Variants in SLC15A4 observed in about 807,000 individuals in gnomAD.
SLC15A4 encodes the protein solute carrier family 15 member 4, also known as hPHT1.
A neutral mutation model predicts 46.1 loss-of-function variants in SLC15A4; 26 were observed. The ratio of observed to expected loss-of-function variants is 0.56; its 90% confidence interval spans 0.41 to 0.78. The LOEUF (loss-of-function observed/expected upper bound fraction) is 0.78. Ranked by LOEUF, SLC15A4 falls within the 30% of genes least tolerant of loss-of-function variation. The pLI, the probability that SLC15A4 is intolerant of heterozygous loss-of-function variation, is 0.00. For missense variants in SLC15A4, 751 were observed against 755.7 expected (o/e 0.99, Z 0.07); for synonymous variants, 370 against 333.4 (o/e 1.11, Z -1.20).
At chr12:128,804,797 C>A (rs1378256340) in intron 5 of SLC15A4, among the ~76,000 whole-genome samples, 2 of 152,168 alleles carry the variant, frequency 1.3e-5, no homozygotes, top group Non-Finnish European at 2.9e-5. Flanking sequence ...TCAAGCTAGG[C>A]AAATGCTTGG....
At chr12:128,800,562 C>A (rs533549127) in intron 6 of SLC15A4, among the ~76,000 whole-genome samples, 20 of 152,328 alleles carry the variant, frequency 1.3e-4, no homozygotes, top group Non-Finnish European at 2.9e-4. Context: ...CCGAGGGCTC[C>A]GCTGGGAACT....
intron 7 of SLC15A4, among the ~76,000 whole-genome samples, chr12:128,795,208 G>A (rs531984755): frequency 2.0e-5 from 3 of 152,142 alleles, no homozygotes; most frequent in East Asian, 1.9e-4. Context: ...CACCAGGGCC[G>A]ACAGCTGGGC....
intron 5 of SLC15A4, 173 bp from the exon 6 acceptor site, chr12:128,801,182 A>T (rs1955515124): frequency 3.4e-6 from 2 of 591,568 alleles, no homozygotes; most frequent in African/African-American, 1.9e-5. Context: ...TCAGCCTCCT[A>T]AGCAGGCTGA....
Position 128,823,694 on chromosome 12 carries a change from G to A in SLC15A4, c.250C>T (p.Leu84Phe). The change falls in exon 1 of 8, where the codon CTC (leucine) becomes TTC (phenylalanine). Residue 84 changes from leucine (L) to phenylalanine (F), a missense_variant. By Grantham distance (22) the Leu-to-Phe change is conservative. Coordinates refer to ENST00000266771, the MANE Select transcript of SLC15A4 (RefSeq NM_145648.4). ...ASEALLLFMG[L>F]TYLGSPFGGW... Reference sequence around the variant, plus strand: ...CCGAACGGCGAGCCCAGGTAGGTGAGGCCCATGAAGAGCAGCAGCGCCTCG... The same window carrying A: ...CCGAACGGCGAGCCCAGGTAGGTGAAGCCCATGAAGAGCAGCAGCGCCTCG... The A allele has an allele frequency of 1.3e-6, 2 of 1,521,820 alleles. No homozygotes were observed. The highest frequency in any genetic ancestry group is 1.2e-5 in the South Asian group (1 of 82,192). 94.3% of individuals were successfully genotyped at this position (1,521,820 alleles called of 1,614,324 possible). A position where few individuals can be genotyped will look rare whatever the true frequency, so the allele number is the denominator to read the frequency against.
At chr12:128,809,222 A>C (rs1955624360) in intron 4 of SLC15A4, 174 bp downstream of exon 4, 1 of 588,896 alleles carries the variant, frequency 1.7e-6, no homozygotes, top group Non-Finnish European at 2.9e-6. Context: ...TAATCTAGCA[A>C]ATGATACAAC....
At chr12:128,794,508 T>A in intron 7 of SLC15A4, 152 bp from the exon 8 acceptor site, 1 of 779,274 alleles carries the variant, frequency 1.3e-6, no homozygotes, top group South Asian at 2.2e-5. Flanking sequence ...TGCACAAGCA[T>A]CTTGCTTTCA....
chr12:128,804,686 C>T (rs1038360425), intron 5 of SLC15A4, among the ~76,000 whole-genome samples: 14 of 152,148 alleles, frequency 9.2e-5, no homozygotes, highest in African/African-American at 2.9e-4. Context: ...GCTGAGATCA[C>T]GCCACTGCAC....
At chr12:128,810,730 C>T (rs1460854480) in intron 2 of SLC15A4, among the ~76,000 whole-genome samples, 2 of 152,100 alleles carry the variant, frequency 1.3e-5, no homozygotes, top group Non-Finnish European at 2.9e-5. Context: ...GAGGATGTCC[C>T]TGGCTCTGTC....
chr12:128,807,908 C>T (rs1296016522), intron 5 of SLC15A4, among the ~76,000 whole-genome samples: 1 of 152,230 alleles, frequency 6.6e-6, no homozygotes, highest in South Asian at 2.1e-4. Flanking sequence ...TATATCAATA[C>T]ATTCAGTCTG....
Position 128,794,135 on chromosome 12 carries a change from A to T in SLC15A4, c.*61T>A, listed in dbSNP as rs77070145. On this transcript the variant is annotated 3_prime_UTR_variant, in exon 8 of 8. Transcript: ENST00000266771. The stretch of plus-strand genomic sequence containing the variant: ...GGAATTTAAAGTCTTGCCTGTTCTC[A>T]GTGCACCCCAGTCAGTTACTGACAT... 2,466 of 1,461,600 alleles carry T rather than the reference A, an allele frequency of 1.7e-3. 40 individuals carry two copies. In the African/African-American group the frequency reaches 0.03, roughly 18 times the overall value. The allele number at this position is 1,461,600 out of a possible 1,614,324, so 90.5% of individuals were successfully genotyped here. A position where few individuals can be genotyped will look rare whatever the true frequency, so the allele number is the denominator to read the frequency against.
chr12:128,820,297 A>T (rs1490096644), intron 1 of SLC15A4, among the ~76,000 whole-genome samples: 1 of 151,976 alleles, frequency 6.6e-6, no homozygotes, highest in African/African-American at 2.4e-5. Context: ...CAGCTTGACC[A>T]CTCACTACCT....
intron 1 of SLC15A4, 130 bp from the exon 2 acceptor site, chr12:128,815,200 G>GT (rs1323999525): frequency 1.2e-6 from 1 of 857,476 alleles, no homozygotes; most frequent in Non-Finnish European, 1.8e-6. Flanking sequence ...AATCAAAATT[G>GT]TGTTTACAGA....
intron 5 of SLC15A4, chr12:128,801,527 T>C (rs1343499599): frequency 6.5e-6 from 1 of 152,866 alleles, no homozygotes; most frequent in African/African-American, 2.4e-5. Context: ...AGGCTTAATC[T>C]TTGCAACAAA....
chr12:128,817,286 C>G (rs752333183), intron 1 of SLC15A4, among the ~76,000 whole-genome samples: 10 of 152,160 alleles, frequency 6.6e-5, no homozygotes, highest in Non-Finnish European at 1.3e-4. Flanking sequence ...TATTGCTCAA[C>G]AGTGGACACC....
chr12:128,817,900 G>A (rs746433092), intron 1 of SLC15A4, among the ~76,000 whole-genome samples: 15 of 152,112 alleles, frequency 9.9e-5, no homozygotes, highest in Non-Finnish European at 1.8e-4. Context: ...TGACATCACT[G>A]TGTGAGCTGC....
intron 4 of SLC15A4, 62 bp downstream of exon 4, chr12:128,809,334 A>C: frequency 1.9e-6 from 2 of 1,037,122 alleles, no homozygotes; most frequent in Non-Finnish European, 2.9e-6. Context: ...AGTTGGTAGA[A>C]GGAATCCATT....
chr12:128,799,219 CA>C (rs1163784163), intron 7 of SLC15A4, 39 bp downstream of exon 7: 4 of 1,609,304 alleles, frequency 2.5e-6, no homozygotes, highest in Non-Finnish European at 3.4e-6. Context: ...GCCTCCCCCT[CA>C]CTGGCTATTT....
In SLC15A4 at chr12:128,818,861, C is replaced by T. The variant is rs549291447; in HGVS notation, c.547-3791G>A. Among the ~76,000 whole-genome samples the T allele has an allele frequency of 2.6e-5, 4 of 152,316 alleles. No homozygotes were observed. The South Asian group carries it at 8.3e-4, about 32-fold the overall frequency. ...GGCATTCCACATCAATGGAATCACACAACTGGGGCCTTATGTGTCTGGCTT... is the reference window on the plus strand; with the variant it reads ...GGCATTCCACATCAATGGAATCACATAACTGGGGCCTTATGTGTCTGGCTT... On this transcript the variant is annotated intron_variant, in intron 1 of 7. Transcript: ENST00000266771.
chr12:128,820,907 G>A (rs1464300127), intron 1 of SLC15A4, among the ~76,000 whole-genome samples: 3 of 152,172 alleles, frequency 2.0e-5, no homozygotes, highest in South Asian at 2.1e-4. Context: ...AGTGCTTCTC[G>A]TGGGGCCTAG....
Sources: allele counts gnomAD v4.1 joint callset (sites outside exome capture counted in the v4.1 genomes callset), GRCh38; gene constraint gnomAD v4.1.1; transcripts MANE v1.5; gene names NCBI Gene and HGNC (gene_info 2026-07-23, HGNC 2026-07-21).